NPEPPS: variants seen among roughly 807,000 people sequenced by gnomAD.
NPEPPS encodes puromycin-sensitive aminopeptidase.
In NPEPPS, 14 loss-of-function variants were observed where a neutral mutation model predicts 115.5. The observed-to-expected ratio is 0.12, with a 90% CI of 0.08 to 0.19. The LOEUF is 0.19. Ranked by LOEUF, NPEPPS falls within the 10% of genes least tolerant of loss-of-function variation. The probability of loss-of-function intolerance (pLI) is 1.00; values close to 1 mark genes in which losing one functional copy is unlikely to be tolerated. For synonymous variants in NPEPPS, 285 were observed against 390.6 expected (o/e 0.73, Z 3.19); for missense variants, 523 against 1,110.8 (o/e 0.47, Z 7.52).
intron 2 of NPEPPS, among the ~76,000 whole-genome samples, chr17:47,556,073 CTT>C (rs747406184): frequency 5.0e-5 from 4 of 80,724 alleles, no homozygotes; most frequent in African/African-American, 9.3e-5. Flanking sequence ...AAGCAATTCT[CTT>C]TTTTTTTTTT....
chr17:47,538,025 C>T (rs1176751001), intron 1 of NPEPPS, among the ~76,000 whole-genome samples: 1 of 150,962 alleles, frequency 6.6e-6, no homozygotes, highest in African/African-American at 2.4e-5. Context: ...TCCCTAGTAG[C>T]TGGGATTACA....
chr17:47,604,140 A>G (rs1913389608), intron 16 of NPEPPS, 91 bp downstream of exon 16: 1 of 1,240,436 alleles, frequency 8.1e-7, no homozygotes, highest in Non-Finnish European at 1.1e-6. Flanking sequence ...TTAGAAGAAT[A>G]TGGGTCTTCA....
At chr17:47,576,219 AG>A (rs1175080359) in intron 3 of NPEPPS, among the ~76,000 whole-genome samples, 14 of 152,202 alleles carry the variant, frequency 9.2e-5, no homozygotes, top group Non-Finnish European at 1.6e-4. Context: ...TTAGTGGCTG[AG>A]GGTCCTAAGG....
intron 2 of NPEPPS, among the ~76,000 whole-genome samples, chr17:47,556,120 G>A (rs988761133): frequency 3.1e-5 from 4 of 130,590 alleles, no homozygotes; most frequent in Admixed American, 8.5e-5. Context: ...GGTGTTTCTT[G>A]CAGAGGGGGA....
intron 4 of NPEPPS, chr17:47,580,320 T>G (rs1027842835): frequency 6.6e-6 from 1 of 152,218 alleles, no homozygotes; most frequent in African/African-American, 2.4e-5. Context: ...GGTTTAATTC[T>G]GTGTTTGAAT....
chr17:47,550,628 AT>A (rs1201433669), intron 2 of NPEPPS, among the ~76,000 whole-genome samples: 10 of 122,610 alleles, frequency 8.2e-5, no homozygotes, highest in Non-Finnish European at 1.0e-4. Context: ...ATATATATAT[AT>A]AATTTTTTTT....
At chr17:47,613,799 T>TAA in intron 19 of NPEPPS, 74 bp downstream of exon 19, 1 of 1,093,522 alleles carries the variant, frequency 9.1e-7, no homozygotes, top group Non-Finnish European at 1.3e-6. Flanking sequence ...TCTAAATGGT[T>TAA]AAAAAAAAAG....
intron 2 of NPEPPS, among the ~76,000 whole-genome samples, chr17:47,546,746 G>C (rs528727336): frequency 6.6e-6 from 1 of 151,838 alleles, no homozygotes; most frequent in African/African-American, 2.4e-5. Context: ...TGCTATATTG[G>C]CCAGGCTGGT....
chr17:47,589,542 G>A (rs1476879878), intron 9 of NPEPPS, among the ~76,000 whole-genome samples: 1 of 152,122 alleles, frequency 6.6e-6, no homozygotes, highest in Non-Finnish European at 1.5e-5. Context: ...TGGCATTACA[G>A]GAGCAAGCCA....
At chr17:47,538,419 A>C (rs1476712216) in intron 1 of NPEPPS, among the ~76,000 whole-genome samples, 1 of 141,088 alleles carries the variant, frequency 7.1e-6, no homozygotes, top group Non-Finnish European at 1.5e-5. Context: ...TCGCCATGTT[A>C]GCTAGGCTGG....
At chr17:47,528,635 ATT>A (rs972610680), upstream of NPEPPS, among the ~76,000 whole-genome samples, 2 of 147,488 alleles carry the variant, frequency 1.4e-5, no homozygotes, top group African/African-American at 4.9e-5. Context: ...TATCTCATTA[ATT>A]TTTTTTTTTT....
chr17:47,529,896 G>T (rs1336728709), upstream of NPEPPS, among the ~76,000 whole-genome samples: 2 of 138,336 alleles, frequency 1.4e-5, no homozygotes, highest in East Asian at 4.1e-4. Context: ...AGATGAAAAT[G>T]GGGAAAAGGT....
chr17:47,592,045 C>G lies in NPEPPS; in HGVS notation c.1350C>G (p.Asp450Glu). Reference sequence around the variant, plus strand: ...CATCTGTCATCCGAATGCTGCATGACTACATTGGGGATAAGGTAAAAAAAA... The same window carrying G: ...CATCTGTCATCCGAATGCTGCATGAGTACATTGGGGATAAGGTAAAAAAAA... The part of the protein sequence containing the change: ...KGASVIRMLH[D>E]YIGDKDFKKG... Residue 450 changes from aspartate (D) to glutamate (E), a missense_variant, in exon 11 of 23, where the codon GAC becomes GAG. Asp to Glu is a conservative substitution (Grantham distance 45). Transcript: ENST00000322157. 4 of 1,367,590 alleles carry G rather than the reference C, an allele frequency of 2.9e-6. No homozygotes were observed. Among genetic ancestry groups the G allele is most frequent in the Non-Finnish European group, 4.1e-6 (4 of 975,358 alleles). 84.7% of individuals were successfully genotyped at this position (1,367,590 alleles called of 1,614,324 possible).
intron 15 of NPEPPS, 42 bp from the exon 16 acceptor site, chr17:47,603,873 T>A: frequency 6.5e-7 from 1 of 1,544,820 alleles, no homozygotes; most frequent in Non-Finnish European, 8.8e-7. Flanking sequence ...ATTTAAAAAA[T>A]TAATGGAGCT....
At chr17:47,582,454 C>A in intron 4 of NPEPPS, 1 of 363,276 alleles carries the variant, frequency 2.8e-6, no homozygotes, top group African/African-American at 2.1e-5. Context: ...AAGGCATTTG[C>A]ATTAAATTTG....
chr17:47,553,997 G>A (rs1409220291), intron 2 of NPEPPS, among the ~76,000 whole-genome samples: 2 of 150,672 alleles, frequency 1.3e-5, no homozygotes, highest in Non-Finnish European at 2.9e-5. Flanking sequence ...TGATCTGCCC[G>A]CCTCGGCCTC....
intron 2 of NPEPPS, among the ~76,000 whole-genome samples, chr17:47,554,091 A>G (rs1365732889): frequency 2.0e-5 from 3 of 149,470 alleles, no homozygotes; most frequent in African/African-American, 7.4e-5. Flanking sequence ...CCCAGGCTGG[A>G]GTGCGATGGT....
intron 19 of NPEPPS, among the ~76,000 whole-genome samples, chr17:47,617,550 T>G (rs898212930): frequency 1.5e-4 from 23 of 152,138 alleles, no homozygotes; most frequent in African/African-American, 5.5e-4. Flanking sequence ...TTTCTTCACT[T>G]AAATATAAGA....
chr17:47,605,954 C>T (rs754527086), intron 17 of NPEPPS, among the ~76,000 whole-genome samples: 2 of 151,996 alleles, frequency 1.3e-5, no homozygotes, highest in African/African-American at 4.8e-5. Context: ...CTCGGCTCAC[C>T]GCAACCTCCG....
Sources: gnomAD v4.1 joint callset for allele counts (sites outside exome capture counted in the v4.1 genomes callset) on GRCh38, gnomAD v4.1.1 for gene constraint, MANE v1.5 for transcripts, NCBI Gene and HGNC (gene_info 2026-07-23, HGNC 2026-07-21) for gene names.